Variants in MAP3K9 observed in about 807,000 individuals in gnomAD.
MAP3K9 encodes mixed lineage kinase 1 (tyr and ser/thr specificity).
MAP3K9 carries 46 observed loss-of-function variants against 95.8 expected under a neutral mutation model. The observed-to-expected ratio is 0.48, with a 90% CI of 0.38 to 0.61. The LOEUF is 0.61. Among genes scored for constraint, MAP3K9 ranks in the 20% least tolerant of loss-of-function variants. MAP3K9 has a pLI of 0.00. For missense variants in MAP3K9, 1,296 were observed against 1,474.3 expected (o/e 0.88, Z 1.98); for synonymous variants, 533 against 593.8 (o/e 0.90, Z 1.49).
intron 2 of MAP3K9, among the ~76,000 whole-genome samples, chr14:70,764,954 CA>C (rs1250664988): frequency 6.6e-6 from 1 of 152,110 alleles, no homozygotes; most frequent in African/African-American, 2.4e-5. Context: ...TCCATTGTTA[CA>C]AAAGAGTTAA....
chr14:70,793,143 C>T (rs1013765115), intron 2 of MAP3K9, among the ~76,000 whole-genome samples: 18 of 152,176 alleles, frequency 1.2e-4, no homozygotes, highest in African/African-American at 4.1e-4. Context: ...GGAGTAGACC[C>T]GACAGCACCG....
chr14:70,786,841 C>A (rs895450317), intron 2 of MAP3K9, among the ~76,000 whole-genome samples: 12 of 152,198 alleles, frequency 7.9e-5, no homozygotes, highest in Non-Finnish European at 1.6e-4. Flanking sequence ...TCGCTATTTT[C>A]CCTACCCACA....
chr14:70,767,083 C>G (rs1456171785), intron 2 of MAP3K9, among the ~76,000 whole-genome samples: 1 of 152,076 alleles, frequency 6.6e-6, no homozygotes, highest in Admixed American at 6.6e-5. Context: ...GGACCAGGCT[C>G]TTTGAAAGAA....
chr14:70,809,430 G>C lies in MAP3K9; in HGVS notation c.-259C>G. On this transcript the variant is annotated 5_prime_UTR_variant, in exon 1 of 12. Transcript: ENST00000554752. Reference sequence around the variant, plus strand: ...CCGCCTGCCCGCTCGCCCCCCCGGGGGCGGCCTCGTCACCTCTGCCGCCGG... The same window carrying C: ...CCGCCTGCCCGCTCGCCCCCCCGGGCGCGGCCTCGTCACCTCTGCCGCCGG... 1 of 322,120 alleles carries C rather than the reference G, an allele frequency of 3.1e-6. No homozygotes were observed. 20.0% of individuals were successfully genotyped at this position (322,120 alleles called of 1,614,324 possible). A position where few individuals can be genotyped will look rare whatever the true frequency, so the allele number is the denominator to read the frequency against.
chr14:70,759,379 T>C (rs550607290), intron 3 of MAP3K9, among the ~76,000 whole-genome samples: 1 of 152,132 alleles, frequency 6.6e-6, no homozygotes, highest in East Asian at 1.9e-4. Context: ...GAGGCAGAGG[T>C]GGCAGTGGGC....
chr14:70,803,541 C>T (rs1453594258), intron 1 of MAP3K9, among the ~76,000 whole-genome samples: 1 of 152,106 alleles, frequency 6.6e-6, no homozygotes, highest in African/African-American at 2.4e-5. Context: ...CCGTTCTCCA[C>T]TCAGATGCTG....
chr14:70,796,740 G>A (rs1179259834), intron 2 of MAP3K9, among the ~76,000 whole-genome samples: 2 of 152,170 alleles, frequency 1.3e-5, no homozygotes, highest in African/African-American at 2.4e-5. Context: ...CTGTGACTTG[G>A]ACCTCATAAC....
intron 2 of MAP3K9, among the ~76,000 whole-genome samples, chr14:70,797,275 G>T (rs1455586860): frequency 6.6e-6 from 1 of 151,968 alleles, no homozygotes; most frequent in African/African-American, 2.4e-5. Context: ...AACAAAGCAA[G>T]GAAAACAAAC....
intron 5 of MAP3K9, among the ~76,000 whole-genome samples, chr14:70,746,610 G>A (rs1349869503): frequency 2.0e-5 from 3 of 152,154 alleles, no homozygotes; most frequent in Non-Finnish European, 4.4e-5. Flanking sequence ...GTGTGGTCTT[G>A]GACAAGTTAA....
At chr14:70,786,611 G>A (rs902103110) in intron 2 of MAP3K9, among the ~76,000 whole-genome samples, 2 of 152,128 alleles carry the variant, frequency 1.3e-5, no homozygotes, top group African/African-American at 4.8e-5. Context: ...TACAGATCCT[G>A]TTTCCACTGT....
intron 2 of MAP3K9, chr14:70,783,169 G>T: frequency 1.5e-6 from 1 of 652,736 alleles, no homozygotes; most frequent in African/African-American, 2.0e-5. Flanking sequence ...CCTAAAATTG[G>T]CCAGATTCAT....
At chr14:70,780,014 A>G (rs895570264) in intron 2 of MAP3K9, among the ~76,000 whole-genome samples, 1 of 152,206 alleles carries the variant, frequency 6.6e-6, no homozygotes, top group South Asian at 2.1e-4. Flanking sequence ...CCTTATGCAA[A>G]GTTTTCAGAC....
chr14:70,738,100 A>G, intron 8 of MAP3K9, 145 bp downstream of exon 8: 2 of 945,856 alleles, frequency 2.1e-6, no homozygotes, highest in Non-Finnish European at 1.5e-6. Context: ...TGGAGGGTGA[A>G]AAACTGTTGT....
intron 2 of MAP3K9, among the ~76,000 whole-genome samples, chr14:70,762,364 TG>T (rs1406538104): frequency 6.6e-6 from 1 of 152,162 alleles, no homozygotes; most frequent in African/African-American, 2.4e-5. Flanking sequence ...AAGCAGACTA[TG>T]GGGGTTTCAA....
chr14:70,730,504 T>A lies in MAP3K9; in HGVS notation c.3191A>T (p.Glu1064Val), dbSNP rs778449870. The A allele has an allele frequency of 6.2e-7, 1 of 1,614,058 alleles. No individual in the cohort carries two copies. The highest frequency in any genetic ancestry group is 1.1e-5 in the South Asian group (1 of 91,086). Reference protein sequence around the residue: ...PFQAGPLPPTERTLLDLDAEG... With the variant: ...PFQAGPLPPTVRTLLDLDAEG... ...TGCATCCAGGTCCAGGAGCGTCCGC[T>A]CAGTCGGGGGCAGCGGCCCTGCCTG... Residue 1064 changes from glutamate (E) to valine (V), a missense_variant, in exon 12 of 12, where the codon GAG becomes GTG. Physicochemically the swap from Glu to Val is moderately radical, Grantham distance 121. This residue lies in a region of MAP3K9 where 433 missense variants were observed against 441.4 expected (regional missense o/e 0.98). Transcript: ENST00000554752.
At chr14:70,744,748 C>G (rs895503750) in intron 5 of MAP3K9, among the ~76,000 whole-genome samples, 2 of 152,198 alleles carry the variant, frequency 1.3e-5, no homozygotes, top group Non-Finnish European at 2.9e-5. Context: ...CACCCCAGAG[C>G]AGACCGTGCC....
At chr14:70,747,726 C>T (rs1235133318) in intron 5 of MAP3K9, among the ~76,000 whole-genome samples, 1 of 152,092 alleles carries the variant, frequency 6.6e-6, no homozygotes, top group Admixed American at 6.5e-5. Flanking sequence ...AAGGTCTCAT[C>T]AAATTTTTCA....
chr14:70,749,257 A>G (rs2054193064), intron 4 of MAP3K9, among the ~76,000 whole-genome samples: 1 of 152,200 alleles, frequency 6.6e-6, no homozygotes, highest in South Asian at 2.1e-4. Context: ...TTAATTAAGG[A>G]TAAGAAAAGC....
intron 2 of MAP3K9, among the ~76,000 whole-genome samples, chr14:70,772,833 G>A (rs1459787802): frequency 6.6e-6 from 1 of 152,126 alleles, no homozygotes; most frequent in Non-Finnish European, 1.5e-5. Context: ...CGGAAAGTAG[G>A]TACTATAACT....
Sources: allele counts gnomAD v4.1 joint callset (sites outside exome capture counted in the v4.1 genomes callset), GRCh38; gene constraint gnomAD v4.1.1; regional missense constraint gnomAD v4.1.1; transcripts MANE v1.5; gene names NCBI Gene and HGNC (gene_info 2026-07-23, HGNC 2026-07-21).